COL6A2: variants seen among roughly 807,000 people sequenced by gnomAD.
COL6A2 encodes collagen alpha-2(VI) chain.
In COL6A2, 90 loss-of-function variants were observed where a neutral mutation model predicts 124.9. The observed-to-expected ratio is 0.72, with a 90% CI of 0.61 to 0.86. COL6A2 has a LOEUF of 0.86. Ranked by LOEUF, COL6A2 falls within the 40% of genes least tolerant of loss-of-function variation. The probability of loss-of-function intolerance (pLI) is 0.00; values close to 1 mark genes in which losing one functional copy is unlikely to be tolerated. For synonymous variants in COL6A2, 793 were observed against 618.2 expected (o/e 1.28, Z -4.19); for missense variants, 1,607 against 1,502.5 (o/e 1.07, Z -1.15).
Position 46,116,958 on chromosome 21 carries a change from A to ACACAC in COL6A2, c.999+144_999+145insCACAC. 4.6e-5 allele frequency: 24 copies of ACACAC among 524,856 alleles called. No homozygotes were observed. The highest frequency in any genetic ancestry group is 5.3e-5 in the Non-Finnish European group (17 of 318,254). 32.5% of individuals were successfully genotyped at this position (524,856 alleles called of 1,614,324 possible). On this transcript the variant is annotated intron_variant, in intron 10 of 27. Coordinates refer to ENST00000300527, the MANE Select transcript of COL6A2 (RefSeq NM_001849.4). This position sits in a 1 kb window ranked among gnomAD's most constrained non-coding sequence, Gnocchi z 4.6. ...ACACACACACACACACACACACACG[A>ACACAC]ACTTCAGCTCCTGCCACATCCCACT...
Position 46,132,576 on chromosome 21 carries a change from C to T in COL6A2, c.*24C>T, listed in dbSNP as rs761359159. On this transcript the variant is annotated 3_prime_UTR_variant, in exon 28 of 28. Coordinates refer to ENST00000300527, the MANE Select transcript of COL6A2 (RefSeq NM_001849.4). The stretch of plus-strand genomic sequence containing the variant: ...AGCGCCGCCGCCCGGGCCCCGCAGT[C>T]GAGGGTCGTGAGCCCACCCCGTCCA... 2.2e-5 allele frequency: 35 copies of T among 1,568,136 alleles called. No individual in the cohort carries two copies. Among genetic ancestry groups the T allele is most frequent in the East Asian group, 1.4e-4 (6 of 42,952 alleles).
chr21:46,119,694 A>G (rs1298684504), intron 14 of COL6A2, 94 bp from the exon 15 acceptor site: 29 of 1,155,946 alleles, frequency 2.5e-5, no homozygotes, highest in Non-Finnish European at 3.5e-5. Flanking sequence ...CCTCCTGTAG[A>G]GAAGGAGCAT....
intron 27 of COL6A2, chr21:46,129,565 G>C: frequency 6.8e-7 from 1 of 1,463,820 alleles, no homozygotes; most frequent in Non-Finnish European, 9.0e-7. Context: ...CCGACAGGCT[G>C]GCTCTCAGTG....
At chr21:46,102,373 G>A (rs1459093464) in intron 1 of COL6A2, among the ~76,000 whole-genome samples, 2 of 152,028 alleles carry the variant, frequency 1.3e-5, no homozygotes, top group African/African-American at 4.8e-5. Context: ...CAATTTGAAT[G>A]CCTTTAATTT....
intron 1 of COL6A2, chr21:46,099,102 G>C (rs1410358170): frequency 6.6e-6 from 1 of 152,476 alleles, no homozygotes; most frequent in Non-Finnish European, 1.5e-5. Flanking sequence ...CTTGTTCTTG[G>C]GATAACACAG....
chr21:46,114,030 A>C lies in COL6A2; in HGVS notation c.758A>C (p.Glu253Ala). The C allele has an allele frequency of 6.2e-7, 1 of 1,613,890 alleles. No individual in the cohort carries two copies. The highest frequency in any genetic ancestry group is 1.3e-5 in the African/African-American group (1 of 75,054). Reference protein sequence around the residue: ...YGECYKVSCLEIPGPSGPKGY... With the variant: ...YGECYKVSCLAIPGPSGPKGY... Reference sequence around the variant, plus strand: ...CAGTGCTACAAGGTGAGCTGCCTGGAAATCCCTGGGCCCTCTGGCCCCAAG... The same window carrying C: ...CAGTGCTACAAGGTGAGCTGCCTGGCAATCCCTGGGCCCTCTGGCCCCAAG... Residue 253 changes from glutamate to alanine, a missense_variant, in exon 5 of 28, where the codon GAA (glutamate) becomes GCA (alanine). Physicochemically the swap from Glu to Ala is moderately radical, Grantham distance 107. Coordinates refer to ENST00000300527, the MANE Select transcript of COL6A2 (RefSeq NM_001849.4).
intron 27 of COL6A2, among the ~76,000 whole-genome samples, chr21:46,127,757 T>C (rs1463245579): frequency 6.6e-6 from 1 of 152,106 alleles, no homozygotes; most frequent in Admixed American, 6.5e-5. Context: ...CTGGGTCCAG[T>C]GTGAGTGGCC....
At chr21:46,129,945 C>T (rs73161623) in intron 27 of COL6A2, 56,572 of 691,192 alleles carry the variant, frequency 0.082, 2,703 homozygotes, top group Middle Eastern at 0.1. Context: ...GGGTGCTGCC[C>T]AGGTGCTGGA....
Position 46,112,503 on chromosome 21 carries a change from AACGAC to A in COL6A2, c.641_645del (p.Asn214IlefsTer60), listed in dbSNP as rs1375040481. On this transcript the variant is annotated frameshift_variant, in exon 3 of 28. Coordinates refer to ENST00000300527, the MANE Select transcript of COL6A2 (RefSeq NM_001849.4). LOFTEE classifies it high-confidence loss of function. ...CAGCACGCCGCACGAGCTCTACCGC[AACGAC>A]TACGCCACCATGCTGCCCGACTCCA... The A allele has an allele frequency of 6.2e-7, 1 of 1,611,776 alleles. No homozygotes were observed. The highest frequency in any genetic ancestry group is 1.7e-5 in the Admixed American group (1 of 59,986).
rs374369354 is a variant in COL6A2 at position 46,126,612 on chromosome 21, C to A, written c.2461+71C>A. 6.0e-5 allele frequency: 95 copies of A among 1,592,798 alleles called. 1 individual carries two copies. In the African/African-American group the frequency reaches 9.1e-4, roughly 15 times the overall value. Reference sequence around the variant, plus strand: ...CCCTGGTGTCCTTCCTCCTCGAGGGCCGGGCTGGGGGAGGGGCCGTGCAGG... The same window carrying A: ...CCCTGGTGTCCTTCCTCCTCGAGGGACGGGCTGGGGGAGGGGCCGTGCAGG... On this transcript the variant is annotated intron_variant, in intron 27 of 27. Transcript: ENST00000300527.
At position 46,126,049 on chromosome 21, in the gene COL6A2, G is replaced by A. The variant is rs768280699; in HGVS notation, c.2234G>A (p.Arg745Gln). Residue 745 changes from arginine (R) to glutamine (Q), a missense_variant, in exon 26 of 28, where the codon CGG (arginine) becomes CAG (glutamine). Arg to Gln is a conservative substitution (Grantham distance 43). Around this residue, in one of 3 missense-constraint regions of COL6A2, gnomAD observed 1,223 missense variants for 1,052.2 expected, o/e 1.16. Coordinates refer to ENST00000300527, the MANE Select transcript of COL6A2 (RefSeq NM_001849.4). ...CCTCGGGACGATGACCTCAACTTGC[G>A]GGCGCTGTGCGACCGCGACGTCACA... ...HDPRDDDLNL[R>Q]ALCDRDVTVT... 57 of 1,612,920 alleles carry A rather than the reference G, an allele frequency of 3.5e-5. No individual in the cohort carries two copies. In the East Asian group the frequency reaches 6.0e-4, roughly 17 times the overall value.
chr21:46,120,797 A>G (rs1338361015), intron 16 of COL6A2, among the ~76,000 whole-genome samples: 1 of 151,800 alleles, frequency 6.6e-6, no homozygotes, highest in East Asian at 1.9e-4. Context: ...CAAGGGCTGC[A>G]CCCCAAAGTA....
At chr21:46,130,826 T>C (rs948908887) in intron 27 of COL6A2, among the ~76,000 whole-genome samples, 8 of 152,160 alleles carry the variant, frequency 5.3e-5, no homozygotes, top group Non-Finnish European at 1.2e-4. Context: ...AGGCTGCCCT[T>C]CCTTTCACTG....
In COL6A2 at chr21:46,121,830, A is replaced by G. The variant is rs915785; in HGVS notation, c.1521+212A>G. On this transcript the variant is annotated intron_variant, in intron 18 of 27. Transcript: ENST00000300527. ...CTTCAGCAGTGACCCTTGGGTGTGC[A>G]TGGCACATCCTTCCTGAGGCAGGGC... 1 allele frequency among the ~76,000 whole-genome samples: 152,203 copies of G among 152,208 alleles called. 76,099 individuals carry two copies. The highest frequency in any genetic ancestry group is 1 in the Middle Eastern group (294 of 294).
intron 1 of COL6A2, among the ~76,000 whole-genome samples, chr21:46,107,444 A>T (rs2078346779): frequency 6.6e-6 from 1 of 152,186 alleles, no homozygotes; most frequent in Non-Finnish European, 1.5e-5. Flanking sequence ...TTTCTTTGCC[A>T]CATTTTGAAA....
chr21:46,109,118 A>G (rs1414167626), intron 1 of COL6A2, among the ~76,000 whole-genome samples: 4 of 151,800 alleles, frequency 2.6e-5, no homozygotes, highest in Non-Finnish European at 5.9e-5. Context: ...CTTAGCAGAG[A>G]GGAGGCCCTC....
In COL6A2 at chr21:46,117,409, G is replaced by A. The variant is rs2123631275; in HGVS notation, c.1009G>A (p.Gly337Arg). The change falls in exon 11 of 28, where the codon GGG (glycine) becomes AGG (arginine). Residue 337 changes from glycine to arginine, a missense_variant. By Grantham distance (125) the Gly-to-Arg change is moderately radical. Transcript: ENST00000300527. ...CCCCCTTCTCCTTCAGGGCAAGCTG[G>A]GGCGCATCGGACCTCCTGGCTGCAA... The part of the protein sequence containing the change: ...NGTDGQKGKL[G>R]RIGPPGCKGD... 2 of 1,612,800 alleles carry A rather than the reference G, an allele frequency of 1.2e-6. No individual in the cohort carries two copies. Among genetic ancestry groups the A allele is most frequent in the Non-Finnish European group, 1.7e-6 (2 of 1,179,908 alleles).
At chr21:46,131,139 TC>T (rs71318045) in intron 27 of COL6A2, among the ~76,000 whole-genome samples, 1 of 152,056 alleles carries the variant, frequency 6.6e-6, no homozygotes, top group African/African-American at 2.4e-5. Context: ...GCTCTGTCCC[TC>T]CCCTCCCCCA....
At chr21:46,127,383 A>G (rs1201237530) in intron 27 of COL6A2, among the ~76,000 whole-genome samples, 1 of 152,082 alleles carries the variant, frequency 6.6e-6, no homozygotes, top group African/African-American at 2.4e-5. Context: ...GCCACTGAGC[A>G]CATTCACAGG....
Sources: allele counts gnomAD v4.1 joint callset (sites outside exome capture counted in the v4.1 genomes callset), GRCh38; gene constraint gnomAD v4.1.1; regional missense constraint gnomAD v4.1.1; non-coding constraint Gnocchi (gnomAD v3.1); transcripts MANE v1.5; gene names NCBI Gene and HGNC (gene_info 2026-07-23, HGNC 2026-07-21).